SEMA6D: variants seen among roughly 807,000 people sequenced by gnomAD.
The protein encoded by SEMA6D is semaphorin 6D.
In SEMA6D, 35 loss-of-function variants were observed where a neutral mutation model predicts 106.6. The observed-to-expected ratio is 0.33, with a 90% confidence interval of 0.25 to 0.44. SEMA6D has a LOEUF of 0.44. Among genes scored for constraint, SEMA6D ranks in the 20% least tolerant of loss-of-function variants. The probability of loss-of-function intolerance (pLI) is 1.00; values close to 1 mark genes in which losing one functional copy is unlikely to be tolerated. For missense variants in SEMA6D, 1,185 were observed against 1,345.9 expected (o/e 0.88, Z 1.87); for synonymous variants, 499 against 487.7 (o/e 1.02, Z -0.31).
chr15:47,675,198 CT>C (rs1253756351), intron 4 of SEMA6D, among the ~76,000 whole-genome samples: 2 of 152,212 alleles, frequency 1.3e-5, no homozygotes, highest in Non-Finnish European at 2.9e-5. Flanking sequence ...CTTTCTGATT[CT>C]TTTCCTTGGC....
intron 1 of SEMA6D, among the ~76,000 whole-genome samples, chr15:47,337,293 G>A (rs1185933791): frequency 1.3e-5 from 2 of 152,124 alleles, no homozygotes; most frequent in East Asian, 3.9e-4. Flanking sequence ...GCACCCTCAG[G>A]CACAAAATGC....
At chr15:47,220,264 C>G (rs17356726) in intron 1 of SEMA6D, among the ~76,000 whole-genome samples, 1,854 of 152,286 alleles carry the variant, frequency 0.012, 43 homozygotes, top group Admixed American at 0.012. Flanking sequence ...CCGAAACTTC[C>G]TCTTTATTGC....
intron 1 of SEMA6D, among the ~76,000 whole-genome samples, chr15:47,208,891 T>C (rs1895291127): frequency 6.6e-6 from 1 of 152,094 alleles, no homozygotes; most frequent in Non-Finnish European, 1.5e-5. Context: ...TCCCTCATAC[T>C]GCCTGTGGTT....
chr15:47,510,289 C>G (rs965026233), intron 3 of SEMA6D, among the ~76,000 whole-genome samples: 17 of 152,122 alleles, frequency 1.1e-4, no homozygotes, highest in African/African-American at 4.1e-4. Flanking sequence ...TTATGAGAAT[C>G]TAATGCCTGA....
intron 3 of SEMA6D, among the ~76,000 whole-genome samples, chr15:47,488,817 G>C (rs2043376151): frequency 6.6e-6 from 1 of 152,114 alleles, no homozygotes; most frequent in South Asian, 2.1e-4. Context: ...GTGAGATAAG[G>C]ACTGAGAAAT....
In SEMA6D at chr15:47,456,895, G is replaced by A. The variant is rs557730662; in HGVS notation, c.-158-13579G>A. Among the ~76,000 whole-genome samples, 7 of 152,044 alleles carry A rather than the reference G, an allele frequency of 4.6e-5. No homozygotes were observed. In the East Asian group the frequency reaches 9.7e-4, roughly 21 times the overall value. ...AAAGAAAGAGCTGCACAGAGAGAAC[G>A]CTTTTGAGGTCTCCATAATGAGTGT... On this transcript the variant is annotated intron_variant, in intron 2 of 19. Coordinates refer to the SEMA6D transcript ENST00000558014.
intron 1 of SEMA6D, among the ~76,000 whole-genome samples, chr15:47,391,441 A>G (rs929677897): frequency 2.6e-5 from 4 of 152,164 alleles, no homozygotes; most frequent in South Asian, 2.1e-4. Context: ...GGATCAATCC[A>G]TCAGACAATG....
chr15:47,333,691 CA>C (rs1380935204), intron 1 of SEMA6D, among the ~76,000 whole-genome samples: 1 of 152,112 alleles, frequency 6.6e-6, no homozygotes, highest in African/African-American at 2.4e-5. Flanking sequence ...CATCAGGAAA[CA>C]AAACAGACAA....
At chr15:47,528,645 G>T (rs1404728949) in intron 3 of SEMA6D, among the ~76,000 whole-genome samples, 3 of 152,194 alleles carry the variant, frequency 2.0e-5, no homozygotes, top group Non-Finnish European at 4.4e-5. Context: ...TAGATAAAAG[G>T]AAAGGCCCTC....
chr15:47,593,784 G>C (rs570594225), intron 3 of SEMA6D, among the ~76,000 whole-genome samples: 5 of 152,286 alleles, frequency 3.3e-5, no homozygotes, highest in African/African-American at 1.2e-4. Context: ...CATGGCGGAA[G>C]GGGGAGTAGG....
intron 3 of SEMA6D, among the ~76,000 whole-genome samples, chr15:47,564,234 C>T (rs1394596832): frequency 1.3e-5 from 2 of 152,184 alleles, no homozygotes; most frequent in Non-Finnish European, 2.9e-5. Flanking sequence ...AGCTTACCCG[C>T]CATCTTCTTG....
At chr15:47,283,015 T>C (rs556723648) in intron 1 of SEMA6D, among the ~76,000 whole-genome samples, 1 of 152,284 alleles carries the variant, frequency 6.6e-6, no homozygotes, top group African/African-American at 2.4e-5. Context: ...TTTCCTGATG[T>C]TGAGCTTAAC....
At chr15:47,227,642 A>G (rs1217896676) in intron 1 of SEMA6D, among the ~76,000 whole-genome samples, 1 of 149,494 alleles carries the variant, frequency 6.7e-6, no homozygotes, top group Non-Finnish European at 1.5e-5. Flanking sequence ...TGAGGCCAGC[A>G]GTGCGTGTGT....
chr15:47,298,782 A>G (rs1278164121), intron 1 of SEMA6D, among the ~76,000 whole-genome samples: 1 of 152,124 alleles, frequency 6.6e-6, no homozygotes, highest in Non-Finnish European at 1.5e-5. Flanking sequence ...CTCTGGGCCC[A>G]GCTTCTCCAG....
chr15:47,648,553 G>A (rs966859138), intron 4 of SEMA6D, among the ~76,000 whole-genome samples: 2 of 152,114 alleles, frequency 1.3e-5, no homozygotes, highest in Admixed American at 6.5e-5. Flanking sequence ...TAGGGAGCCC[G>A]CCCTATTTGT....
intron 4 of SEMA6D, among the ~76,000 whole-genome samples, chr15:47,688,494 G>A (rs1165850598): frequency 6.6e-6 from 1 of 152,204 alleles, no homozygotes; most frequent in Non-Finnish European, 1.5e-5. Context: ...ATTATTGAAG[G>A]CATTGTCATG....
intron 1 of SEMA6D, among the ~76,000 whole-genome samples, chr15:47,232,705 T>C (rs1175866568): frequency 2.6e-5 from 4 of 152,008 alleles, no homozygotes; most frequent in Non-Finnish European, 4.4e-5. Flanking sequence ...TCTTTTCATG[T>C]GCTTATTTTC....
At chr15:47,483,070 GA>G (rs1263138262) in intron 3 of SEMA6D, among the ~76,000 whole-genome samples, 1 of 152,138 alleles carries the variant, frequency 6.6e-6, no homozygotes, top group African/African-American at 2.4e-5. Flanking sequence ...ATTAGAAGTT[GA>G]TAAGTACAGT....
intron 1 of SEMA6D, among the ~76,000 whole-genome samples, chr15:47,273,583 C>A (rs1292685902): frequency 6.6e-6 from 1 of 152,142 alleles, no homozygotes; most frequent in Non-Finnish European, 1.5e-5. Context: ...AGAATTCTAT[C>A]CTTAGCCGGA....
Sources: gnomAD v4.1 joint callset for allele counts (sites outside exome capture counted in the v4.1 genomes callset) on GRCh38, gnomAD v4.1.1 for gene constraint, MANE v1.5 for transcripts, NCBI Gene and HGNC (gene_info 2026-07-23, HGNC 2026-07-21) for gene names.